The following DIP2C variants were observed in gnomAD, a reference collection of about 807,000 sequenced individuals.
The protein encoded by DIP2C is DIP2 acetate--CoA ligase C (putative), also known as disco-interacting protein 2 homolog C.
Under a neutral mutation model 192.4 loss-of-function variants are expected in DIP2C, and 33 were observed. The observed-to-expected ratio is 0.17, with a 90% confidence interval of 0.13 to 0.23. The LOEUF (loss-of-function observed/expected upper bound fraction) is 0.23. Among genes scored for constraint, DIP2C ranks in the 10% least tolerant of loss-of-function variants. The probability of loss-of-function intolerance (pLI) is 1.00; values close to 1 mark genes in which losing one functional copy is unlikely to be tolerated. For missense variants in DIP2C, 1,537 were observed against 2,110.1 expected (o/e 0.73, Z 5.32); for synonymous variants, 979 against 864.1 (o/e 1.13, Z -2.33).
intron 1 of DIP2C, among the ~76,000 whole-genome samples, chr10:604,882 C>G (rs1195703184): frequency 6.6e-6 from 1 of 152,218 alleles, no homozygotes; most frequent in East Asian, 1.9e-4. Flanking sequence ...CTGACCTCGG[C>G]TGGGCACCCG....
intron 22 of DIP2C, among the ~76,000 whole-genome samples, chr10:360,331 C>T (rs996208594): frequency 2.0e-5 from 3 of 152,152 alleles, no homozygotes; most frequent in Non-Finnish European, 4.4e-5. Context: ...GTCCCAAATG[C>T]CCCCAGGGTA....
chr10:431,060 T>C (rs1966850986), intron 4 of DIP2C, among the ~76,000 whole-genome samples: 1 of 152,248 alleles, frequency 6.6e-6, no homozygotes, highest in African/African-American at 2.4e-5. Context: ...TCTGTCCCAT[T>C]GATCCTTTTG....
intron 1 of DIP2C, among the ~76,000 whole-genome samples, chr10:491,059 A>G (rs932133461): frequency 2.6e-5 from 4 of 151,856 alleles, no homozygotes; most frequent in Admixed American, 6.5e-5. Flanking sequence ...AAGATGACAG[A>G]ACAGACAGAC....
chr10:366,471 A>G, intron 18 of DIP2C, 60 bp from the exon 19 acceptor site: 10 of 1,608,474 alleles, frequency 6.2e-6, no homozygotes, highest in Non-Finnish European at 8.5e-6. Context: ...AGAATAAAGG[A>G]AACAGGGAAG....
Position 577,441 on chromosome 10 carries a change from T to C in DIP2C, c.86-90911A>G, listed in dbSNP as rs537176996. 8.5e-5 allele frequency among the ~76,000 whole-genome samples: 13 copies of C among 152,328 alleles called. 1 individual carries two copies. The highest frequency in any genetic ancestry group is 1.9e-4 in the East Asian group (1 of 5,188). On this transcript the variant is annotated intron_variant, in intron 1 of 36. Transcript: ENST00000280886. Reference sequence around the variant, plus strand: ...GTTTGCACACCTGTTGTGTGTACTTTCTCATGCTAAGCCGTCACCAAGCTC... The same window carrying C: ...GTTTGCACACCTGTTGTGTGTACTTCCTCATGCTAAGCCGTCACCAAGCTC...
chr10:458,740 T>C (rs1018717690), intron 3 of DIP2C, among the ~76,000 whole-genome samples: 2 of 146,606 alleles, frequency 1.4e-5, no homozygotes, highest in African/African-American at 5.1e-5. Context: ...ATCCTCTACA[T>C]TCCTGCCTCA....
chr10:404,646 T>C (rs554237683), intron 9 of DIP2C, among the ~76,000 whole-genome samples: 4 of 152,232 alleles, frequency 2.6e-5, no homozygotes, highest in African/African-American at 4.8e-5. Context: ...CAGATGGTCA[T>C]TGAGAGGGGA....
chr10:421,411 T>C (rs2064493220), intron 5 of DIP2C, among the ~76,000 whole-genome samples: 1 of 152,124 alleles, frequency 6.6e-6, no homozygotes, highest in African/African-American at 2.4e-5. Context: ...TACAAATGCT[T>C]CCCCCAAGTG....
Position 611,808 on chromosome 10 carries a change from CATG to C in DIP2C, c.85+77683_85+77685del, listed in dbSNP as rs1230111387. On this transcript the variant is annotated intron_variant, in intron 1 of 36. Coordinates refer to ENST00000280886, the MANE Select transcript of DIP2C (RefSeq NM_014974.3). ...CAAACACCAGCTGAATTCGTACTAACATGATATTCAGAGGCAGAAATGCAAATA... is the reference window on the plus strand; with the variant it reads ...CAAACACCAGCTGAATTCGTACTAACATATTCAGAGGCAGAAATGCAAATA... Among the ~76,000 whole-genome samples the C allele has an allele frequency of 2.0e-5, 3 of 152,306 alleles. No individual in the cohort carries two copies. In the East Asian group the frequency reaches 5.8e-4, roughly 29 times the overall value.
chr10:593,970 T>C (rs1265920938), intron 1 of DIP2C, among the ~76,000 whole-genome samples: 1 of 152,204 alleles, frequency 6.6e-6, no homozygotes, highest in Non-Finnish European at 1.5e-5. Flanking sequence ...TTATCATGAA[T>C]GACTCCAACC....
intron 4 of DIP2C, among the ~76,000 whole-genome samples, chr10:423,548 C>T (rs1350951165): frequency 6.6e-6 from 1 of 152,092 alleles, no homozygotes; most frequent in South Asian, 2.1e-4. Flanking sequence ...ACCCATGCAG[C>T]TGATTTATTT....
At chr10:277,959 C>CT (rs1215046294) in intron 36 of DIP2C, among the ~76,000 whole-genome samples, 1 of 152,254 alleles carries the variant, frequency 6.6e-6, no homozygotes, top group African/African-American at 2.4e-5. Context: ...GCCTCGTACC[C>CT]TCAAGGCAGC....
rs557072313 is a variant in DIP2C, at chr10:357,438, G to A, written c.2904+390C>T. 7.2e-5 allele frequency among the ~76,000 whole-genome samples: 11 copies of A among 152,334 alleles called. No homozygotes were observed. In the South Asian group the frequency reaches 8.3e-4, roughly 11 times the overall value. On this transcript the variant is annotated intron_variant, in intron 23 of 36. Transcript: ENST00000280886. ...CTAGAAAGGAGTAGTTCAGGGGACC[G>A]TGCGCGGGACAAGGACTGCCAGACA...
In DIP2C at chr10:363,246, G is replaced by A; in HGVS notation, c.2543C>T (p.Pro848Leu). 1 of 1,613,606 alleles carries A rather than the reference G, an allele frequency of 6.2e-7. No individual in the cohort carries two copies. The highest frequency in any genetic ancestry group is 8.5e-7 in the Non-Finnish European group (1 of 1,180,004). The stretch of plus-strand genomic sequence containing the variant: ...GAAACTGTCCTCTTCCGTGGAGTCA[G>A]GCCTCTGCTCAGCCACGATCACGAT... ...ERIVIVAEQR[P>L]DSTEEDSFQW... Residue 848 changes from proline (P) to leucine (L), a missense_variant, in exon 21 of 37, where the codon CCT (proline) becomes CTT (leucine). By Grantham distance (98) the Pro-to-Leu change is moderately conservative. Transcript: ENST00000280886. The surrounding 1 kb of genome is among the most constrained non-coding windows in gnomAD (Gnocchi z 5.4).
rs1308928306 is a variant in DIP2C, at chr10:283,282, A to G, written c.4284T>C (p.Asp1428=). The part of the protein sequence containing the change: ...LGFLRRTELT[D]ANGERHDALY... ...AGCCTGGACTCTCACCTCCATTTGC[A>G]TCTGTGAGCTCAGTTCTCCGCAGGA... Residue 1428 remains aspartate, a synonymous_variant, in exon 35 of 37, where the codon GAT becomes GAC. Coordinates refer to ENST00000280886, the MANE Select transcript of DIP2C (RefSeq NM_014974.3). The G allele has an allele frequency of 6.2e-7, 1 of 1,613,704 alleles. No homozygotes were observed. The highest frequency in any genetic ancestry group is 8.5e-7 in the Non-Finnish European group (1 of 1,179,828).
intron 1 of DIP2C, among the ~76,000 whole-genome samples, chr10:551,364 C>CA (rs1848577490): frequency 6.6e-6 from 1 of 152,222 alleles, no homozygotes; most frequent in Non-Finnish European, 1.5e-5. Flanking sequence ...CTTGGAGTTC[C>CA]AAAGGCCACG....
At chr10:397,566 T>G (rs1373777994) in intron 10 of DIP2C, among the ~76,000 whole-genome samples, 1 of 150,726 alleles carries the variant, frequency 6.6e-6, no homozygotes, top group Non-Finnish European at 1.5e-5. Flanking sequence ...GCTGATGGTT[T>G]AAGGGCAGTG....
intron 1 of DIP2C, among the ~76,000 whole-genome samples, chr10:503,007 A>T (rs1400296751): frequency 1.3e-5 from 2 of 149,960 alleles, no homozygotes; most frequent in African/African-American, 4.9e-5. Flanking sequence ...GACTTATTAC[A>T]ATTCCAGCAT....
intron 2 of DIP2C, among the ~76,000 whole-genome samples, chr10:473,274 T>G (rs951024311): frequency 3.9e-5 from 6 of 152,228 alleles, no homozygotes; most frequent in Non-Finnish European, 1.5e-5. Flanking sequence ...TAGACAAAAC[T>G]AAGCCCCCAA....
Sources: allele counts gnomAD v4.1 joint callset (sites outside exome capture counted in the v4.1 genomes callset), GRCh38; gene constraint gnomAD v4.1.1; non-coding constraint Gnocchi (gnomAD v3.1); transcripts MANE v1.5; gene names NCBI Gene and HGNC (gene_info 2026-07-23, HGNC 2026-07-21).